The following PARD3B variants were observed in gnomAD, a reference collection of about 807,000 sequenced individuals.
The protein encoded by PARD3B is partitioning defective 3 homolog B.
In PARD3B, 103 loss-of-function variants were observed where a neutral mutation model predicts 130.2. That is an observed-to-expected ratio of 0.79 (90% CI 0.67 to 0.93). The LOEUF (loss-of-function observed/expected upper bound fraction) is 0.93. Ranked by LOEUF, PARD3B falls within the 40% of genes least tolerant of loss-of-function variation. PARD3B has a pLI of 0.00. For missense variants in PARD3B, 1,609 were observed against 1,499.2 expected, an observed-to-expected ratio of 1.07 and a Z score of -1.21; for synonymous variants, 583 against 553.2, an observed-to-expected ratio of 1.05 and a Z score of -0.76.
chr2:204,832,311 A>G (rs1267394984), intron 2 of PARD3B, among the ~76,000 whole-genome samples: 1 of 152,082 alleles, frequency 6.6e-6, no homozygotes, highest in Non-Finnish European at 1.5e-5. Flanking sequence ...CTTCCTCAAG[A>G]TTTTTGCGTT....
intron 1 of PARD3B, among the ~76,000 whole-genome samples, chr2:204,648,634 A>C (rs1392190762): frequency 8.4e-6 from 1 of 119,416 alleles, no homozygotes; most frequent in Admixed American, 1.1e-4. Flanking sequence ...ATTTATATAT[A>C]ATATATATTA....
intron 2 of PARD3B, among the ~76,000 whole-genome samples, chr2:204,947,489 A>T (rs572284410): frequency 6.6e-6 from 1 of 152,236 alleles, no homozygotes; most frequent in Non-Finnish European, 1.5e-5. Flanking sequence ...AATAGTGGGA[A>T]CTACAGTACA....
chr2:204,918,369 G>C (rs565562958), intron 2 of PARD3B, among the ~76,000 whole-genome samples: 1 of 152,102 alleles, frequency 6.6e-6, no homozygotes, highest in African/African-American at 2.4e-5. Context: ...AGTGGCTCAC[G>C]CCTGTAATCC....
At position 205,440,529 on chromosome 2, in the gene PARD3B, TGTC is replaced by T. The variant is rs748685999; in HGVS notation, c.2902_2904del (p.Val968del). On this transcript the variant is annotated inframe_deletion, in exon 20 of 23. Transcript: ENST00000406610. The surrounding 1 kb of genome is among the most constrained non-coding windows in gnomAD (Gnocchi z 4.2). ...TTCGGGAACCATGCACATCAGCAAA[TGTC>T]TTTAGATCTCCATCTCCCCCTCGAG... The T allele has an allele frequency of 1.2e-6, 2 of 1,614,004 alleles. No homozygotes were observed. The highest frequency in any genetic ancestry group is 4.5e-5 in the East Asian group (2 of 44,854).
At chr2:205,285,730 C>G (rs2041370512) in intron 16 of PARD3B, among the ~76,000 whole-genome samples, 1 of 152,180 alleles carries the variant, frequency 6.6e-6, no homozygotes, top group Admixed American at 6.5e-5. Flanking sequence ...CTAGAGTCAT[C>G]ATTTTCTCCT....
chr2:205,238,886 G>GTATATATA (rs372313084), intron 15 of PARD3B, among the ~76,000 whole-genome samples: 52 of 92,126 alleles, frequency 5.6e-4, no homozygotes, highest in African/African-American at 8.1e-4. Flanking sequence ...ATGTATGTGT[G>GTATATATA]TATATATATA....
At chr2:204,834,738 T>C (rs1049865137) in intron 2 of PARD3B, among the ~76,000 whole-genome samples, 1 of 152,074 alleles carries the variant, frequency 6.6e-6, no homozygotes, top group Admixed American at 6.5e-5. Flanking sequence ...GGAGAGGAAA[T>C]TTCTTCTACC....
intron 2 of PARD3B, among the ~76,000 whole-genome samples, chr2:204,956,834 TTC>T (rs1381099773): frequency 6.6e-6 from 1 of 152,200 alleles, no homozygotes; most frequent in Non-Finnish European, 1.5e-5. Context: ...TTTTTAAACT[TTC>T]TGAAAATTTG....
intron 2 of PARD3B, among the ~76,000 whole-genome samples, chr2:204,947,577 C>G (rs1689435476): frequency 1.0e-5 from 1 of 95,770 alleles, no homozygotes; most frequent in Non-Finnish European, 2.0e-5. Flanking sequence ...TCCCCTCCCT[C>G]TCTTAGCCTT....
intron 16 of PARD3B, among the ~76,000 whole-genome samples, chr2:205,297,674 T>C (rs918071567): frequency 3.3e-5 from 5 of 152,170 alleles, no homozygotes; most frequent in Non-Finnish European, 7.3e-5. Context: ...GGTTCTCTTC[T>C]CTAACATGAG....
At chr2:205,179,086 C>A (rs2125769742) in intron 13 of PARD3B, among the ~76,000 whole-genome samples, 1 of 152,028 alleles carries the variant, frequency 6.6e-6, no homozygotes, top group East Asian at 1.9e-4. Context: ...CTATCTAGGC[C>A]TAGGCTAATG....
At chr2:204,612,723 C>T (rs2033973515) in intron 1 of PARD3B, among the ~76,000 whole-genome samples, 1 of 152,068 alleles carries the variant, frequency 6.6e-6, no homozygotes, top group Non-Finnish European at 1.5e-5. Flanking sequence ...AGGTTTTTAA[C>T]AAATATCAGC....
intron 6 of PARD3B, among the ~76,000 whole-genome samples, chr2:205,117,119 A>G (rs2125607737): frequency 6.6e-6 from 1 of 152,352 alleles, no homozygotes; most frequent in African/African-American, 2.4e-5. Flanking sequence ...AGTTATTGTG[A>G]ATCCACCCTA....
At chr2:204,603,302 G>A (rs370486117) in intron 1 of PARD3B, among the ~76,000 whole-genome samples, 19 of 151,986 alleles carry the variant, frequency 1.3e-4, no homozygotes, top group Non-Finnish European at 2.6e-4. Context: ...CTAATAACAC[G>A]TTTTGTATTA....
At chr2:205,104,388 G>A (rs1180887148) in intron 4 of PARD3B, 38 bp from the exon 5 acceptor site, 3 of 1,408,326 alleles carry the variant, frequency 2.1e-6, no homozygotes, top group Non-Finnish European at 3.0e-6. Context: ...AATTCAATAT[G>A]CACAGCATCA....
intron 2 of PARD3B, among the ~76,000 whole-genome samples, chr2:204,816,301 A>G (rs1054005935): frequency 4.6e-5 from 7 of 151,958 alleles, no homozygotes; most frequent in African/African-American, 1.7e-4. Flanking sequence ...AATATATTTA[A>G]GTAATTTAAA....
Position 205,500,040 on chromosome 2 carries a change from A to G in PARD3B, c.3180+9A>G. 2 of 1,610,934 alleles carry G rather than the reference A, an allele frequency of 1.2e-6. No individual in the cohort carries two copies. The highest frequency in any genetic ancestry group is 1.7e-6 in the Non-Finnish European group (2 of 1,178,736). ...AGTATGACCTACTCTGGGTAAGCGCATGCATGATTTCAATCGTTGAATTCA... is the reference window on the plus strand; with the variant it reads ...AGTATGACCTACTCTGGGTAAGCGCGTGCATGATTTCAATCGTTGAATTCA... On this transcript the variant is annotated intron_variant, in intron 21 of 22. Transcript: ENST00000406610.
At chr2:204,650,957 C>G (rs1453599205) in intron 1 of PARD3B, among the ~76,000 whole-genome samples, 2 of 152,128 alleles carry the variant, frequency 1.3e-5, no homozygotes, top group African/African-American at 4.8e-5. Flanking sequence ...GGATAACTCA[C>G]ACACTATCAT....
At chr2:204,766,295 T>C (rs1559128206) in intron 2 of PARD3B, among the ~76,000 whole-genome samples, 3 of 152,214 alleles carry the variant, frequency 2.0e-5, no homozygotes, top group African/African-American at 7.2e-5. Context: ...TACATATCAG[T>C]ACTTACCTGT....
Sources: allele counts gnomAD v4.1 joint callset (sites outside exome capture counted in the v4.1 genomes callset), GRCh38; gene constraint gnomAD v4.1.1; non-coding constraint Gnocchi (gnomAD v3.1); transcripts MANE v1.5; gene names NCBI Gene and HGNC (gene_info 2026-07-23, HGNC 2026-07-21).